NBPF19: variants seen among roughly 807,000 people sequenced by gnomAD.
NBPF19 encodes the protein NBPF member 19, also known as NBPF family member NBPF19.
NBPF19 carries 30 observed loss-of-function variants against 45.9 expected under a neutral mutation model. The observed-to-expected ratio is 0.65, with a 90% CI of 0.49 to 0.89. The LOEUF (loss-of-function observed/expected upper bound fraction) is 0.89, where lower values mean the gene tolerates loss of function less well. Among genes scored for constraint, NBPF19 ranks in the 40% least tolerant of loss-of-function variants. The pLI is 0.00. For synonymous variants in NBPF19, 183 were observed against 181.2 expected, an observed-to-expected ratio of 1.01 and a Z score of -0.08; for missense variants, 495 against 471.8, an observed-to-expected ratio of 1.05 and a Z score of -0.46.
intron 8 of NBPF19, 106 bp downstream of exon 8, chr1:149,486,399 G>A (rs1318656464): frequency 0.011 from 7,304 of 666,684 alleles, 253 homozygotes; most frequent in South Asian, 0.025. Flanking sequence ...TGCCATCACC[G>A]TGGGCTGAAC....
Position 149,554,798 on chromosome 1 carries a change from G to A in NBPF19, c.*60G>A, listed in dbSNP as rs1387868396. On this transcript the variant is annotated 3_prime_UTR_variant, in exon 94 of 94. Transcript: ENST00000651566. ...CAGGCAGGACCTATAGGCACGTGAAGATTTGAATGAAACTACAGTTCCATT... is the reference window on the plus strand; with the variant it reads ...CAGGCAGGACCTATAGGCACGTGAAAATTTGAATGAAACTACAGTTCCATT... 2 of 1,604,588 alleles carry A rather than the reference G, an allele frequency of 1.2e-6. No homozygotes were observed. Among genetic ancestry groups the A allele is most frequent in the Non-Finnish European group, 1.7e-6 (2 of 1,173,900 alleles).
chr1:149,475,428 T>C lies in NBPF19; in HGVS notation c.-403T>C, dbSNP rs1227837376. 6.6e-6 allele frequency among the ~76,000 whole-genome samples: 1 copy of C among 150,770 alleles called. No homozygotes were observed. The highest frequency in any genetic ancestry group is 1.5e-5 in the Non-Finnish European group (1 of 67,556). ...GACAAGAGATAAACAGTGAGGAATA[T>C]GCTTAGATGTATTGGGAAAGACATG... On this transcript the variant is annotated 5_prime_UTR_variant, in exon 1 of 94. An upstream start codon of the reference 5' UTR is lost. Coordinates refer to ENST00000651566, the MANE Select transcript of NBPF19 (RefSeq NM_001351365.2).
intron 3 of NBPF19, among the ~76,000 whole-genome samples, chr1:149,478,673 G>C (rs1187505377): frequency 6.6e-6 from 1 of 150,778 alleles, no homozygotes; most frequent in Non-Finnish European, 1.5e-5. Context: ...CATCATCGAG[G>C]ATCTTGCAGG....
In NBPF19 at chr1:149,480,439, C is replaced by T. The variant is rs4950387; in HGVS notation, c.566+225C>T. Among the ~76,000 whole-genome samples, 24 of 146,200 alleles carry T rather than the reference C, an allele frequency of 1.6e-4. 2 individuals are homozygous for T. The highest frequency in any genetic ancestry group is 3.2e-4 in the Non-Finnish European group (21 of 65,866). On this transcript the variant is annotated intron_variant, in intron 5 of 93. Coordinates refer to ENST00000651566, the MANE Select transcript of NBPF19 (RefSeq NM_001351365.2). Reference sequence around the variant, plus strand: ...ACAGGGATAGCTGAGTCTTCATCCTCCTCAGCTCCTATCTGTCCAGTGCAA... The same window carrying T: ...ACAGGGATAGCTGAGTCTTCATCCTTCTCAGCTCCTATCTGTCCAGTGCAA...
chr1:149,479,563 C>T (rs1249045283), intron 4 of NBPF19, among the ~76,000 whole-genome samples: 18 of 148,192 alleles, frequency 1.2e-4, no homozygotes, highest in South Asian at 6.5e-4. Flanking sequence ...GGAACACTTA[C>T]GAATGCTTTT....
At chr1:149,487,033 G>A (rs1219959535) in intron 8 of NBPF19, among the ~76,000 whole-genome samples, 12 of 150,834 alleles carry the variant, frequency 8.0e-5, no homozygotes, top group Admixed American at 6.6e-4. Flanking sequence ...CCTATGAGGT[G>A]TTAGAACTAT....
At position 149,554,880 on chromosome 1, in the gene NBPF19, C is replaced by A; in HGVS notation, c.*142C>A. The A allele has an allele frequency of 1.4e-6, 2 of 1,463,016 alleles. No homozygotes were observed. The highest frequency in any genetic ancestry group is 2.6e-5 in the South Asian group (2 of 76,166). The allele number at this position is 1,463,016 out of a possible 1,614,324, so 90.6% of individuals were successfully genotyped here. ...CATGGCTCTTTTCCTATTCTCAAAC[C>A]ATGCCAGTGGCAACCTGTGCTCAGT... On this transcript the variant is annotated 3_prime_UTR_variant, in exon 94 of 94. Transcript: ENST00000651566.
rs1559620525 is a variant in NBPF19 at position 149,488,370 on chromosome 1, G to A, written c.1213+185G>A. Among the ~76,000 whole-genome samples, 5 of 142,616 alleles carry A rather than the reference G, an allele frequency of 3.5e-5. 1 individual carries two copies. Among genetic ancestry groups the A allele is most frequent in the Middle Eastern group, 3.5e-3 (1 of 284 alleles). 93.6% of individuals were successfully genotyped at this position (142,616 alleles called of 152,430 possible). On this transcript the variant is annotated intron_variant, in intron 10 of 93. Coordinates refer to ENST00000651566, the MANE Select transcript of NBPF19 (RefSeq NM_001351365.2). ...GCCCAGACAAGGGATGGTTCAGTGA[G>A]CAAGGCTCTCTTCCTAGTCTCAGGC...
At chr1:149,521,049 C>T (rs2086703340) in intron 51 of NBPF19, among the ~76,000 whole-genome samples, 3 of 66,090 alleles carry the variant, frequency 4.5e-5, no homozygotes, top group African/African-American at 1.8e-4. Flanking sequence ...GTCACCTGGC[C>T]AATTCACTAG....
chr1:149,554,170 A>T (rs1358661366), intron 93 of NBPF19, among the ~76,000 whole-genome samples: 1 of 146,716 alleles, frequency 6.8e-6, no homozygotes, highest in South Asian at 2.3e-4. Context: ...CACTCTTTTC[A>T]TGATCACAGT....
chr1:149,483,691 G>C (rs1485257990), intron 7 of NBPF19, among the ~76,000 whole-genome samples: 1 of 128,336 alleles, frequency 7.8e-6, no homozygotes, highest in East Asian at 2.4e-4. Flanking sequence ...TCCATGTTTA[G>C]TGCTTCCTTT....
intron 7 of NBPF19, among the ~76,000 whole-genome samples, chr1:149,484,488 A>C (rs2085394823): frequency 6.8e-6 from 1 of 146,036 alleles, no homozygotes; most frequent in Non-Finnish European, 1.5e-5. Context: ...CTAAGACTTA[A>C]AGTATTAAAA....
chr1:149,478,893 C>T lies in NBPF19; in HGVS notation c.292C>T (p.Leu98=). 2 of 1,606,038 alleles carry T rather than the reference C, an allele frequency of 1.2e-6. No homozygotes were observed. Among genetic ancestry groups the T allele is most frequent in the South Asian group, 2.2e-5 (2 of 90,832 alleles). Residue 98 remains leucine, a synonymous_variant, in exon 4 of 94, where the codon CTG becomes TTG. Transcript: ENST00000651566. ...GTCTCACCTTAGGCAATATAAAGTC[C>T]TGTTTCACTCTCAGGAACGAGAGCT... is the stretch of plus-strand genomic sequence containing the variant. ...QAEELRQYKV[L]FHSQERELTQ... is the part of the protein sequence containing the mutation.
Position 149,554,966 on chromosome 1 carries a change from G to T in NBPF19, c.*228G>T. 2 of 744,764 alleles carry T rather than the reference G, an allele frequency of 2.7e-6. 1 individual carries two copies. Among genetic ancestry groups the T allele is most frequent in the Non-Finnish European group, 4.3e-6 (2 of 467,730 alleles). 46.1% of individuals were successfully genotyped at this position (744,764 alleles called of 1,614,324 possible). ...TCACATAACTGTGCAGCACATGCCG[G>T]GAGTGATCAGTCGGACATTTTAATT... On this transcript the variant is annotated 3_prime_UTR_variant, in exon 94 of 94. Coordinates refer to ENST00000651566, the MANE Select transcript of NBPF19 (RefSeq NM_001351365.2).
At chr1:149,478,857 T>G in intron 3 of NBPF19, 23 bp from the exon 4 acceptor site, 1 of 1,579,832 alleles carries the variant, frequency 6.3e-7, no homozygotes, top group Non-Finnish European at 8.7e-7. Context: ...TACTCTTAAA[T>G]TTTCTCTACC....
rs1351195203 is a variant in NBPF19 at position 149,555,075 on chromosome 1, A to C, written c.*337A>C. ...GTCTCTGAGCTTCTATACCTGCTCA[A>C]GGTCAGTGTCATCTTTGTGTTTAGC... On this transcript the variant is annotated 3_prime_UTR_variant, in exon 94 of 94. Coordinates refer to ENST00000651566, the MANE Select transcript of NBPF19 (RefSeq NM_001351365.2). 1.1e-5 allele frequency: 4 copies of C among 377,342 alleles called. No individual in the cohort carries two copies. The highest frequency in any genetic ancestry group is 8.3e-5 in the African/African-American group (4 of 48,148). 23.4% of individuals were successfully genotyped at this position (377,342 alleles called of 1,614,324 possible).
At chr1:149,477,823 T>A in intron 2 of NBPF19, 122 bp from the exon 3 acceptor site, 1 of 841,680 alleles carries the variant, frequency 1.2e-6, no homozygotes, top group Non-Finnish European at 1.9e-6. Flanking sequence ...GAAATCCCTG[T>A]CTAGACCCTG....
chr1:149,554,421 C>T, intron 93 of NBPF19, 74 bp from the exon 94 acceptor site: 2 of 1,607,200 alleles, frequency 1.2e-6, no homozygotes, highest in East Asian at 2.2e-5. Flanking sequence ...CCTTATGTGA[C>T]TTCTGAAATC....
intron 93 of NBPF19, among the ~76,000 whole-genome samples, 158 bp from the exon 94 acceptor site, chr1:149,554,337 A>T (rs1416553303): frequency 6.6e-6 from 1 of 151,156 alleles, no homozygotes; most frequent in South Asian, 2.1e-4. Context: ...GCCCTGTTCT[A>T]TCCCAACATA....
Sources: gnomAD v4.1 joint callset for allele counts (sites outside exome capture counted in the v4.1 genomes callset) on GRCh38, gnomAD v4.1.1 for gene constraint, MANE v1.5 for transcripts, NCBI Gene and HGNC (gene_info 2026-07-23, HGNC 2026-07-21) for gene names.